NKAIN3: variants seen among roughly 807,000 people sequenced by gnomAD.
The protein encoded by NKAIN3 is sodium/potassium transporting ATPase interacting 3, also known as sodium/potassium-transporting ATPase subunit beta-1-interacting protein 3.
NKAIN3 carries 25 observed loss-of-function variants against 30.2 expected under a neutral mutation model. The observed-to-expected ratio is 0.83, with a 90% CI of 0.60 to 1.16. NKAIN3 has a LOEUF of 1.16. Among genes scored for constraint, NKAIN3 ranks in the 50% most tolerant of loss-of-function variants. The pLI, the probability that NKAIN3 is intolerant of heterozygous loss-of-function variation, is 0.00. For synonymous variants in NKAIN3, 91 were observed against 89.6 expected, an observed-to-expected ratio of 1.02 and a Z score of -0.09; for missense variants, 225 against 254.1, an observed-to-expected ratio of 0.89 and a Z score of 0.78.
At chr8:62,521,903 G>T (rs906907654) in intron 1 of NKAIN3, among the ~76,000 whole-genome samples, 2 of 152,038 alleles carry the variant, frequency 1.3e-5, no homozygotes, top group Non-Finnish European at 2.9e-5. Flanking sequence ...ATTCTTAAAC[G>T]CTATAATTGC....
chr8:62,735,873 A>G (rs918271042), intron 3 of NKAIN3, among the ~76,000 whole-genome samples: 1 of 151,950 alleles, frequency 6.6e-6, no homozygotes, highest in Non-Finnish European at 1.5e-5. Flanking sequence ...TAGGAATGGG[A>G]CTTCCTGAGA....
intron 1 of NKAIN3, among the ~76,000 whole-genome samples, chr8:62,345,860 A>G (rs1448182116): frequency 6.6e-6 from 1 of 152,004 alleles, no homozygotes; most frequent in South Asian, 2.1e-4. Flanking sequence ...GTTTTCCTGC[A>G]TACATACACA....
At chr8:62,743,241 G>A (rs919405308) in intron 3 of NKAIN3, among the ~76,000 whole-genome samples, 1 of 152,054 alleles carries the variant, frequency 6.6e-6, no homozygotes, top group Non-Finnish European at 1.5e-5. Flanking sequence ...TCTGTGTGGT[G>A]TTTCCTTTGA....
At chr8:62,504,326 A>G (rs1161232337) in intron 1 of NKAIN3, among the ~76,000 whole-genome samples, 2 of 152,220 alleles carry the variant, frequency 1.3e-5, no homozygotes, top group African/African-American at 4.8e-5. Flanking sequence ...CTATGAATAT[A>G]AAATATCTGA....
At chr8:62,514,822 C>A (rs913659689) in intron 1 of NKAIN3, among the ~76,000 whole-genome samples, 1 of 152,138 alleles carries the variant, frequency 6.6e-6, no homozygotes, top group Non-Finnish European at 1.5e-5. Context: ...TTCCTTCTCT[C>A]CTGAATCGTC....
chr8:62,571,218 C>T (rs899197091), intron 1 of NKAIN3, among the ~76,000 whole-genome samples: 1 of 151,508 alleles, frequency 6.6e-6, no homozygotes, highest in African/African-American at 2.4e-5. Flanking sequence ...TCACTGCAAC[C>T]TCTGCCTCCC....
intron 1 of NKAIN3, among the ~76,000 whole-genome samples, chr8:62,430,988 T>C (rs1804977549): frequency 6.6e-6 from 1 of 151,938 alleles, no homozygotes. Context: ...GGGATGAATC[T>C]AGTTTACCAA....
chr8:62,724,266 A>G (rs1195681913), intron 3 of NKAIN3, among the ~76,000 whole-genome samples: 2 of 152,084 alleles, frequency 1.3e-5, no homozygotes, highest in Non-Finnish European at 1.5e-5. Context: ...GTTTGTGAGT[A>G]CGTAGTAGGT....
chr8:62,738,019 A>G (rs146908692), intron 3 of NKAIN3, among the ~76,000 whole-genome samples: 107 of 152,260 alleles, frequency 7.0e-4, no homozygotes, highest in African/African-American at 2.3e-3. Context: ...ATAATCCTTT[A>G]GGTATATACC....
rs191734151 is a variant in NKAIN3 at position 62,534,112 on chromosome 8, G to A, written c.55-45427G>A. Among the ~76,000 whole-genome samples the A allele has an allele frequency of 3.3e-5, 5 of 152,178 alleles. No individual in the cohort carries two copies. In the East Asian group the frequency reaches 7.7e-4, roughly 24 times the overall value. On this transcript the variant is annotated intron_variant, in intron 1 of 6. Transcript: ENST00000623646. ...CTCTCTATTGTCTGATGATCTTCCT[G>A]CCTGAGATCTCCCACTTTTTATTAA...
intron 4 of NKAIN3, among the ~76,000 whole-genome samples, chr8:62,886,078 C>A (rs1309891387): frequency 6.6e-6 from 1 of 151,918 alleles, no homozygotes; most frequent in African/African-American, 2.4e-5. Flanking sequence ...GTCTTCCACC[C>A]TTTTCTTCCT....
At chr8:62,867,069 A>AAG (rs1321384043) in intron 4 of NKAIN3, among the ~76,000 whole-genome samples, 2 of 147,650 alleles carry the variant, frequency 1.4e-5, no homozygotes, top group Non-Finnish European at 3.0e-5. Flanking sequence ...AAAAAAAAAA[A>AAG]TTAAACTGTT....
At chr8:62,346,974 A>T (rs1816026461) in intron 1 of NKAIN3, among the ~76,000 whole-genome samples, 1 of 152,108 alleles carries the variant, frequency 6.6e-6, no homozygotes, top group African/African-American at 2.4e-5. Flanking sequence ...CATTTTAAAC[A>T]GGAGAACTGA....
intron 1 of NKAIN3, among the ~76,000 whole-genome samples, chr8:62,362,478 G>A (rs922377894): frequency 2.6e-5 from 4 of 152,156 alleles, no homozygotes; most frequent in African/African-American, 9.7e-5. Context: ...TGAGCCAAAT[G>A]TAAGGACAGT....
intron 1 of NKAIN3, among the ~76,000 whole-genome samples, chr8:62,420,162 C>G: frequency 6.6e-6 from 1 of 152,112 alleles, no homozygotes. Context: ...TGTAGGAAAT[C>G]TCTTATGAGT....
At chr8:62,548,940 AAAG>A (rs541775024) in intron 1 of NKAIN3, among the ~76,000 whole-genome samples, 119 of 152,218 alleles carry the variant, frequency 7.8e-4, no homozygotes, top group Middle Eastern at 3.4e-3. Context: ...AGTTACAGGT[AAAG>A]AAGAAGCTAT....
chr8:62,599,712 T>C (rs1335962892), intron 3 of NKAIN3, among the ~76,000 whole-genome samples: 1 of 152,090 alleles, frequency 6.6e-6, no homozygotes, highest in East Asian at 1.9e-4. Flanking sequence ...CAGATCTGCA[T>C]TTTAACTTCA....
intron 4 of NKAIN3, among the ~76,000 whole-genome samples, chr8:62,844,701 T>C (rs1377464544): frequency 6.6e-6 from 1 of 152,136 alleles, no homozygotes; most frequent in Non-Finnish European, 1.5e-5. Context: ...GAATTTAATG[T>C]GATCTGCCTG....
At chr8:62,797,046 A>T (rs574645206) in intron 4 of NKAIN3, among the ~76,000 whole-genome samples, 1 of 152,182 alleles carries the variant, frequency 6.6e-6, no homozygotes, top group Non-Finnish European at 1.5e-5. Context: ...ATTGGATGAA[A>T]ATATCTTCTA....
Sources: gnomAD v4.1 joint callset for allele counts (sites outside exome capture counted in the v4.1 genomes callset) on GRCh38, gnomAD v4.1.1 for gene constraint, MANE v1.5 for transcripts, NCBI Gene and HGNC (gene_info 2026-07-23, HGNC 2026-07-21) for gene names.